The following SCAF8 variants were observed in gnomAD, a reference collection of about 807,000 sequenced individuals.
The protein encoded by SCAF8 is SR-related and CTD-associated factor 8.
Under a neutral mutation model 140.5 loss-of-function variants are expected in SCAF8, and 23 were observed. The observed-to-expected ratio is 0.16, with a 90% CI of 0.12 to 0.23. SCAF8 has a LOEUF of 0.23. Among genes scored for constraint, SCAF8 ranks in the 10% least tolerant of loss-of-function variants. SCAF8 has a pLI of 1.00. For missense variants in SCAF8, 1,397 were observed against 1,555.7 expected (o/e 0.90, Z 1.72); for synonymous variants, 575 against 528.9 (o/e 1.09, Z -1.20).
intron 12 of SCAF8, among the ~76,000 whole-genome samples, chr6:154,812,594 ATTCT>A (rs1202999897): frequency 6.6e-6 from 1 of 152,118 alleles, no homozygotes; most frequent in African/African-American, 2.4e-5. Context: ...TGTGGTTTGT[ATTCT>A]TTCTTAACAC....
intron 7 of SCAF8, 132 bp from the exon 8 acceptor site, chr6:154,803,412 G>A (rs1777825874): frequency 1.4e-6 from 1 of 693,208 alleles, no homozygotes; most frequent in Non-Finnish European, 2.6e-6. Context: ...ATAGTATAAA[G>A]TGATACAAAA....
chr6:154,830,882 C>T (rs749506237), intron 18 of SCAF8, 40 bp from the exon 19 acceptor site: 14 of 1,483,746 alleles, frequency 9.4e-6, no homozygotes, highest in Non-Finnish European at 3.8e-6. Flanking sequence ...CATGAATTGA[C>T]TCATTAAATC....
intron 12 of SCAF8, among the ~76,000 whole-genome samples, chr6:154,811,085 A>G (rs1010653331): frequency 5.3e-5 from 8 of 152,206 alleles, no homozygotes; most frequent in Non-Finnish European, 7.3e-5. Flanking sequence ...GGCCTTGGCT[A>G]TCTTGCATGA....
At chr6:154,802,446 AC>A (rs1332188385) in intron 7 of SCAF8, among the ~76,000 whole-genome samples, 1 of 151,920 alleles carries the variant, frequency 6.6e-6, no homozygotes, top group African/African-American at 2.4e-5. Flanking sequence ...ACATGGTGAA[AC>A]CCCATCTCTA....
At chr6:154,765,170 T>C (rs374174966) in intron 1 of SCAF8, among the ~76,000 whole-genome samples, 1 of 152,190 alleles carries the variant, frequency 6.6e-6, no homozygotes, top group Admixed American at 6.5e-5. Context: ...TATAGTGTCA[T>C]TCATAAAATT....
At chr6:154,739,253 A>G (rs1778506310) in intron 1 of SCAF8, among the ~76,000 whole-genome samples, 1 of 152,140 alleles carries the variant, frequency 6.6e-6, no homozygotes, top group South Asian at 2.1e-4. Flanking sequence ...TGACCTCCCA[A>G]AGTACTGGGA....
At chr6:154,788,598 T>C (rs751391132) in intron 4 of SCAF8, among the ~76,000 whole-genome samples, 3 of 152,222 alleles carry the variant, frequency 2.0e-5, no homozygotes, top group African/African-American at 4.8e-5. Context: ...ATGGCTAAAA[T>C]AAGCTTTTGG....
At chr6:154,770,303 C>A (rs1776699615) in intron 1 of SCAF8, among the ~76,000 whole-genome samples, 1 of 151,354 alleles carries the variant, frequency 6.6e-6, no homozygotes, top group Admixed American at 6.6e-5. Flanking sequence ...AAAAAGAAAA[C>A]ACACACACAC....
At chr6:154,784,539 G>A (rs996698489) in intron 3 of SCAF8, among the ~76,000 whole-genome samples, 1 of 152,080 alleles carries the variant, frequency 6.6e-6, no homozygotes, top group African/African-American at 2.4e-5. Flanking sequence ...AGCCTATTGG[G>A]ATCAAAATTT....
chr6:154,773,302 A>G (rs369716380), intron 1 of SCAF8, among the ~76,000 whole-genome samples: 5 of 152,356 alleles, frequency 3.3e-5, no homozygotes, highest in East Asian at 3.9e-4. Context: ...ATGGAATTAT[A>G]TAATATGCTG....
chr6:154,741,781 C>A lies in SCAF8; in HGVS notation c.30+7851C>A, dbSNP rs1300420298. On this transcript the variant is annotated intron_variant, in intron 1 of 19. Coordinates refer to ENST00000367178, the MANE Select transcript of SCAF8 (RefSeq NM_014892.5). ...GTATTACTAGTTGTATGTACAATTT[C>A]AGATATCTCTTTCTAAGGCCAGTTA... Among the ~76,000 whole-genome samples, 3 of 152,178 alleles carry A rather than the reference C, an allele frequency of 2.0e-5. No homozygotes were observed. In the South Asian group the frequency reaches 6.2e-4, roughly 32 times the overall value.
At position 154,833,994 on chromosome 6, in the gene SCAF8, T is replaced by C. The variant is rs1330705669; in HGVS notation, c.*599T>C. ...AAACAAGAAAACAACAACATAAATA[T>C]TAAAGTACGTTTCAATGTTGGGTGA... On this transcript the variant is annotated 3_prime_UTR_variant, in exon 20 of 20. Coordinates refer to ENST00000367178, the MANE Select transcript of SCAF8 (RefSeq NM_014892.5). The C allele has an allele frequency of 1.3e-5, 2 of 152,240 alleles. No homozygotes were observed. The highest frequency in any genetic ancestry group is 2.9e-5 in the Non-Finnish European group (2 of 68,026). 9.4% of individuals were successfully genotyped at this position (152,240 alleles called of 1,614,324 possible). A position where few individuals can be genotyped will look rare whatever the true frequency, so the allele number is the denominator to read the frequency against.
In SCAF8 at chr6:154,824,395, T is replaced by G. The variant is rs1463436313; in HGVS notation, c.2071+17T>G. ...CACCACCTGGTAAGGAATTTTTGTT[T>G]TAATATTTGAACTCTATTTAGATTA... On this transcript the variant is annotated intron_variant, in intron 17 of 19. Transcript: ENST00000367178. 2 of 1,602,818 alleles carry G rather than the reference T, an allele frequency of 1.2e-6. No individual in the cohort carries two copies. Among genetic ancestry groups the G allele is most frequent in the Non-Finnish European group, 1.7e-6 (2 of 1,170,814 alleles).
chr6:154,734,022 G>T (rs1232523098), intron 1 of SCAF8, 92 bp downstream of exon 1: 1 of 1,420,876 alleles, frequency 7.0e-7, no homozygotes, highest in Non-Finnish European at 9.2e-7. Flanking sequence ...CGGGCCTGCG[G>T]GTTTTTTAAG....
intron 1 of SCAF8, among the ~76,000 whole-genome samples, chr6:154,766,516 C>T (rs1480506153): frequency 1.3e-5 from 2 of 152,242 alleles, no homozygotes; most frequent in East Asian, 1.9e-4. Context: ...ACTGCTTCTT[C>T]TGCTGCTTCC....
intron 1 of SCAF8, among the ~76,000 whole-genome samples, chr6:154,761,290 C>T (rs1005738022): frequency 2.6e-5 from 4 of 151,994 alleles, no homozygotes; most frequent in Non-Finnish European, 4.4e-5. Context: ...AGTTCGAGAC[C>T]GCCTGGGCAA....
chr6:154,817,642 T>C (rs1778292038), intron 13 of SCAF8, among the ~76,000 whole-genome samples: 1 of 152,202 alleles, frequency 6.6e-6, no homozygotes, highest in Admixed American at 6.5e-5. Context: ...TTAATAAGTT[T>C]GATATTAATA....
Position 154,733,686 on chromosome 6 carries a change from C to A in SCAF8, c.-215C>A. 1 of 1,313,066 alleles carries A rather than the reference C, an allele frequency of 7.6e-7. No homozygotes were observed. The highest frequency in any genetic ancestry group is 9.7e-7 in the Non-Finnish European group (1 of 1,035,294). 81.3% of individuals were successfully genotyped at this position (1,313,066 alleles called of 1,614,324 possible). Reference sequence around the variant, plus strand: ...TCTGTTCCCTAGAACGGCGCTCCCCCCGCCCTAGCGGCCATGCCGGTGCCG... The same window carrying A: ...TCTGTTCCCTAGAACGGCGCTCCCCACGCCCTAGCGGCCATGCCGGTGCCG... On this transcript the variant is annotated 5_prime_UTR_variant, in exon 1 of 20. Coordinates refer to ENST00000367178, the MANE Select transcript of SCAF8 (RefSeq NM_014892.5).
chr6:154,798,387 A>G (rs990648582), intron 6 of SCAF8, among the ~76,000 whole-genome samples: 3 of 151,258 alleles, frequency 2.0e-5, no homozygotes, highest in African/African-American at 4.8e-5. Context: ...ATTGAGAGTA[A>G]ACAGTGAATT....
Sources: allele counts gnomAD v4.1 joint callset (sites outside exome capture counted in the v4.1 genomes callset), GRCh38; gene constraint gnomAD v4.1.1; transcripts MANE v1.5; gene names NCBI Gene and HGNC (gene_info 2026-07-23, HGNC 2026-07-21).